The following BAZ2B variants were observed in gnomAD, a reference collection of about 807,000 sequenced individuals.
The protein encoded by BAZ2B is bromodomain adjacent to zinc finger domain protein 2B.
BAZ2B carries 91 observed loss-of-function variants against 246.0 expected under a neutral mutation model. That is an observed-to-expected ratio of 0.37 (90% CI 0.31 to 0.44). The LOEUF (loss-of-function observed/expected upper bound fraction) is 0.44. Among genes scored for constraint, BAZ2B ranks in the 20% least tolerant of loss-of-function variants. BAZ2B has a pLI of 1.00. For synonymous variants in BAZ2B, 855 were observed against 860.0 expected (o/e 0.99, Z 0.10); for missense variants, 2,332 against 2,533.7 (o/e 0.92, Z 1.71).
At chr2:159,421,938 C>A (rs577986660) in intron 13 of BAZ2B, among the ~76,000 whole-genome samples, 18 of 152,190 alleles carry the variant, frequency 1.2e-4, no homozygotes, top group East Asian at 7.7e-4. Context: ...CATTTCTATA[C>A]GCCAATAGCA....
intron 27 of BAZ2B, among the ~76,000 whole-genome samples, chr2:159,352,162 T>C (rs1384649089): frequency 6.6e-6 from 1 of 152,236 alleles, no homozygotes; most frequent in African/African-American, 2.4e-5. Flanking sequence ...TCTCACTTTC[T>C]ATTTTCAGCT....
the BAZ2B span, among the ~76,000 whole-genome samples, chr2:159,649,080 G>A: frequency 6.6e-6 from 1 of 152,104 alleles, no homozygotes; most frequent in African/African-American, 2.4e-5. Context: ...TAATGATGTT[G>A]AGCATTTTTA....
chr2:159,604,827 A>T (rs1244395709), intron 1 of BAZ2B, among the ~76,000 whole-genome samples: 1 of 152,202 alleles, frequency 6.6e-6, no homozygotes, highest in African/African-American at 2.4e-5. Flanking sequence ...TCAAAAAATT[A>T]AAAATATGAG....
chr2:159,529,111 A>G (rs2085078151), intron 2 of BAZ2B, among the ~76,000 whole-genome samples: 1 of 152,158 alleles, frequency 6.6e-6, no homozygotes, highest in Admixed American at 6.5e-5. Flanking sequence ...TTAAAGTATA[A>G]TAAGTAAAAA....
rs138050579 is a variant in BAZ2B at position 159,415,217 on chromosome 2, C to A, written c.2467-2672G>T. 9.9e-5 allele frequency among the ~76,000 whole-genome samples: 15 copies of A among 152,000 alleles called. No homozygotes were observed. In the South Asian group the frequency reaches 2.9e-3, roughly 30 times the overall value. On this transcript the variant is annotated intron_variant, in intron 13 of 36. Transcript: ENST00000392783. Reference sequence around the variant, plus strand: ...ACACCAGCACTTTGGGAGGCTAAGGCGGGCAGATCAAAAGGTCAGGAGTTC... The same window carrying A: ...ACACCAGCACTTTGGGAGGCTAAGGAGGGCAGATCAAAAGGTCAGGAGTTC...
the BAZ2B span, among the ~76,000 whole-genome samples, chr2:159,637,620 C>G: frequency 6.6e-6 from 1 of 152,114 alleles, no homozygotes; most frequent in Admixed American, 6.5e-5. Flanking sequence ...TGCAGTGGCA[C>G]GATCACAGCT....
Position 159,402,133 on chromosome 2 carries a change from T to C in BAZ2B, c.2833-1469A>G, listed in dbSNP as rs554723881. 1.6e-3 allele frequency among the ~76,000 whole-genome samples: 249 copies of C among 152,274 alleles called. 1 individual carries two copies. Among genetic ancestry groups the C allele is most frequent in the Middle Eastern group, 6.8e-3 (2 of 294 alleles). On this transcript the variant is annotated intron_variant, in intron 16 of 36. Coordinates refer to ENST00000392783, the MANE Select transcript of BAZ2B (RefSeq NM_013450.4). ...ATCTTATCATGGTACTGAATATTAATTGTAGGCTGTCAAAAATAAAAACCC... is the reference window on the plus strand; with the variant it reads ...ATCTTATCATGGTACTGAATATTAACTGTAGGCTGTCAAAAATAAAAACCC...
intron 13 of BAZ2B, among the ~76,000 whole-genome samples, chr2:159,416,100 C>T (rs192159050): frequency 6.6e-6 from 1 of 152,234 alleles, no homozygotes; most frequent in Admixed American, 6.5e-5. Context: ...CAGATCATAA[C>T]ATTTAGCCAT....
intron 17 of BAZ2B, among the ~76,000 whole-genome samples, chr2:159,399,677 G>T (rs2064654818): frequency 6.6e-6 from 1 of 151,972 alleles, no homozygotes; most frequent in Admixed American, 6.6e-5. Context: ...ATTTGAAATG[G>T]GTAAGAAAAA....
chr2:159,563,481 TG>T (rs1388386574), intron 1 of BAZ2B, among the ~76,000 whole-genome samples: 2 of 152,244 alleles, frequency 1.3e-5, no homozygotes, highest in African/African-American at 4.8e-5. Flanking sequence ...TTATAGTACT[TG>T]GTGAAAAAAT....
intron 1 of BAZ2B, among the ~76,000 whole-genome samples, chr2:159,592,117 TCAAA>T (rs906266378): frequency 2.0e-5 from 3 of 150,358 alleles, no homozygotes; most frequent in Non-Finnish European, 4.4e-5. Context: ...GAGACCTGTC[TCAAA>T]CAAACAAAAA....
intron 14 of BAZ2B, among the ~76,000 whole-genome samples, chr2:159,410,609 C>CGAGA (rs1192295656): frequency 6.6e-6 from 1 of 152,112 alleles, no homozygotes; most frequent in East Asian, 1.9e-4. Flanking sequence ...AAACTTCTTC[C>CGAGA]TTTATAAATT....
At chr2:159,328,088 A>G (rs915900065) in intron 34 of BAZ2B, among the ~76,000 whole-genome samples, 3 of 150,256 alleles carry the variant, frequency 2.0e-5, no homozygotes, top group South Asian at 2.1e-4. Context: ...AAAAAAAAAA[A>G]AAAGAAAGTA....
chr2:159,506,240 C>A (rs1277457244), intron 2 of BAZ2B, among the ~76,000 whole-genome samples: 1 of 152,086 alleles, frequency 6.6e-6, no homozygotes, highest in African/African-American at 2.4e-5. Context: ...GCTAGGTAAT[C>A]CTTACCATGG....
intron 2 of BAZ2B, among the ~76,000 whole-genome samples, chr2:159,485,439 T>C (rs2079707554): frequency 1.3e-5 from 2 of 152,194 alleles, no homozygotes; most frequent in Non-Finnish European, 2.9e-5. Context: ...AAGTATGGTA[T>C]ACAGTGGTTT....
chr2:159,668,869 C>A, the BAZ2B span, among the ~76,000 whole-genome samples: 1 of 152,026 alleles, frequency 6.6e-6, no homozygotes, highest in South Asian at 2.1e-4. Flanking sequence ...CCAGCCTGGG[C>A]AACATGGCGA....
chr2:159,527,865 GA>G (rs1378337753), intron 2 of BAZ2B, among the ~76,000 whole-genome samples: 1 of 152,166 alleles, frequency 6.6e-6, no homozygotes, highest in Admixed American at 6.5e-5. Context: ...GGAAGAGCTT[GA>G]GAGTGTTTCT....
chr2:159,390,576 A>G (rs2063207886), intron 20 of BAZ2B, among the ~76,000 whole-genome samples: 1 of 152,060 alleles, frequency 6.6e-6, no homozygotes, highest in African/African-American at 2.4e-5. Context: ...TTCGATTATC[A>G]CTTGTAAGCA....
intron 33 of BAZ2B, among the ~76,000 whole-genome samples, chr2:159,334,303 T>C (rs180693004): frequency 6.6e-6 from 1 of 152,224 alleles, no homozygotes; most frequent in East Asian, 1.9e-4. Context: ...ACAGTAAATA[T>C]ATTATTATTT....
Sources: allele counts gnomAD v4.1 joint callset (sites outside exome capture counted in the v4.1 genomes callset), GRCh38; gene constraint gnomAD v4.1.1; transcripts MANE v1.5; gene names NCBI Gene and HGNC (gene_info 2026-07-23, HGNC 2026-07-21).